The following CACNB4 variants were observed in gnomAD, a reference collection of about 807,000 sequenced individuals.
CACNB4 encodes the protein voltage-dependent L-type calcium channel subunit beta-4.
In CACNB4, 32 loss-of-function variants were observed where a neutral mutation model predicts 71.2. The ratio of observed to expected loss-of-function variants is 0.45; its 90% CI spans 0.34 to 0.60. CACNB4 has a LOEUF of 0.60. Ranked by LOEUF, CACNB4 falls within the 20% of genes least tolerant of loss-of-function variation. The pLI is 0.01. For missense variants in CACNB4, 464 were observed against 647.9 expected, an observed-to-expected ratio of 0.72 and a Z score of 3.08; for synonymous variants, 231 against 236.9, an observed-to-expected ratio of 0.97 and a Z score of 0.23.
intron 2 of CACNB4, among the ~76,000 whole-genome samples, chr2:152,016,427 G>T (rs1394761062): frequency 1.3e-5 from 2 of 152,168 alleles, no homozygotes; most frequent in Non-Finnish European, 2.9e-5. Flanking sequence ...CAAAATTACT[G>T]TATAATTTGA....
intron 2 of CACNB4, among the ~76,000 whole-genome samples, chr2:152,056,144 C>T (rs1441114471): frequency 6.6e-6 from 1 of 152,072 alleles, no homozygotes; most frequent in East Asian, 1.9e-4. Context: ...AGATGGATCA[C>T]GAAGTCAGGA....
At chr2:151,893,773 A>T (rs2099851349) in intron 2 of CACNB4, among the ~76,000 whole-genome samples, 1 of 152,188 alleles carries the variant, frequency 6.6e-6, no homozygotes, top group Non-Finnish European at 1.5e-5. Context: ...TGGGAAAAAA[A>T]TACAATAATC....
intron 2 of CACNB4, among the ~76,000 whole-genome samples, chr2:151,944,033 T>TTC (rs1478073143): frequency 1.3e-5 from 2 of 151,192 alleles, no homozygotes; most frequent in South Asian, 4.2e-4. Context: ...CTTTCTTTTT[T>TTC]TTTTTTTTTT....
At chr2:152,045,652 C>G (rs1560158582) in intron 2 of CACNB4, among the ~76,000 whole-genome samples, 4 of 151,814 alleles carry the variant, frequency 2.6e-5, no homozygotes, top group African/African-American at 9.7e-5. Flanking sequence ...AAAGGTGGAT[C>G]AAAGTACACC....
In CACNB4 at chr2:151,883,351, G is replaced by C. The variant is rs1244483192; in HGVS notation, c.167C>G (p.Thr56Arg). The C allele has an allele frequency of 1.2e-6, 2 of 1,613,834 alleles. No homozygotes were observed. Among genetic ancestry groups the C allele is most frequent in the Non-Finnish European group, 1.7e-6 (2 of 1,179,766 alleles). ...GACATCGGAGTCAGACGGCCTGCTT[G>C]TGTAGGAATCCGCTGAACCCTGGCA... ...ILRQGSADSY[T>R]SRPSDSDVSL... Residue 56 changes from threonine (T) to arginine (R), a missense_variant, in exon 3 of 14, where the codon ACA becomes AGA. This residue lies in a region of CACNB4 where 299 missense variants were observed against 471.7 expected (regional missense o/e 0.63). Transcript: ENST00000539935.
chr2:151,967,877 A>T (rs1237069313), intron 2 of CACNB4: 1 of 152,244 alleles, frequency 6.6e-6, no homozygotes, highest in Non-Finnish European at 1.5e-5. Flanking sequence ...AAGTACTGAT[A>T]ATGTGGCACC....
chr2:152,041,389 G>C (rs1175036131), intron 2 of CACNB4, among the ~76,000 whole-genome samples: 2 of 152,182 alleles, frequency 1.3e-5, no homozygotes, highest in East Asian at 3.8e-4. Context: ...CTGGAAGAAG[G>C]TAAAGGGCAA....
intron 2 of CACNB4, among the ~76,000 whole-genome samples, chr2:152,086,519 T>C (rs758724319): frequency 2.0e-5 from 3 of 152,176 alleles, no homozygotes; most frequent in Non-Finnish European, 4.4e-5. Flanking sequence ...CCCTTAAATA[T>C]TGTATTTAGC....
chr2:152,011,353 CT>C (rs970767128), intron 2 of CACNB4, among the ~76,000 whole-genome samples: 2 of 152,154 alleles, frequency 1.3e-5, no homozygotes, highest in African/African-American at 4.8e-5. Context: ...ACCTGGACAC[CT>C]GCATGTTTTC....
chr2:152,057,498 C>G (rs1463230580), intron 2 of CACNB4, among the ~76,000 whole-genome samples: 3 of 152,206 alleles, frequency 2.0e-5, no homozygotes, highest in Non-Finnish European at 4.4e-5. Flanking sequence ...AGACTTTATT[C>G]ATGGGCTAGG....
intron 2 of CACNB4, among the ~76,000 whole-genome samples, chr2:151,979,431 C>G (rs1199365926): frequency 6.6e-6 from 1 of 150,882 alleles, no homozygotes; most frequent in African/African-American, 2.4e-5. Context: ...TGACTTATTA[C>G]TCAGAAAGCT....
rs1308544247 is a variant in CACNB4, at chr2:151,848,408, A to G, written c.1116+5040T>C. 4.6e-5 allele frequency among the ~76,000 whole-genome samples: 7 copies of G among 152,364 alleles called. 1 individual carries two copies. The East Asian group carries it at 9.6e-4, about 21-fold the overall frequency. Reference sequence around the variant, plus strand: ...GTGAATAATGAATGCACCAATGAGGAGAGCACTTCAAATAGACAGGTAAAT... The same window carrying G: ...GTGAATAATGAATGCACCAATGAGGGGAGCACTTCAAATAGACAGGTAAAT... On this transcript the variant is annotated intron_variant, in intron 12 of 13. Transcript: ENST00000539935.
chr2:151,920,007 T>G (rs2099858511), intron 2 of CACNB4, among the ~76,000 whole-genome samples: 2 of 152,338 alleles, frequency 1.3e-5, no homozygotes, highest in African/African-American at 4.8e-5. Flanking sequence ...TGGCAATGGT[T>G]GTGATTTCCA....
chr2:152,010,424 G>A (rs902153210), intron 2 of CACNB4, among the ~76,000 whole-genome samples: 1 of 152,160 alleles, frequency 6.6e-6, no homozygotes, highest in Non-Finnish European at 1.5e-5. Context: ...TGGCACAGGG[G>A]AGATATGGCT....
intron 12 of CACNB4, chr2:151,850,141 C>CTTTCTTTTTTTTTT (rs1553744905): frequency 4.1e-5 from 4 of 98,164 alleles, no homozygotes; most frequent in African/African-American, 1.5e-4. Flanking sequence ...TTCTTTCTTT[C>CTTTCTTTTTTTTTT]TTTTTTTTTT....
intron 12 of CACNB4, among the ~76,000 whole-genome samples, chr2:151,845,463 T>C (rs1017831955): frequency 7.4e-5 from 11 of 147,652 alleles, no homozygotes; most frequent in Non-Finnish European, 1.5e-4. Flanking sequence ...ATCAGAGTGA[T>C]AGAAACTCAG....
chr2:151,834,105 GC>G lies in CACNB4; in HGVS notation c.*5013del, dbSNP rs577369873. ...TGGCCCCTACATAAATATAGACATAGCCATTTGTTGAGAAATTTAAGTGTTC... is the reference window on the plus strand; with the variant it reads ...TGGCCCCTACATAAATATAGACATAGCATTTGTTGAGAAATTTAAGTGTTC... On this transcript the variant is annotated 3_prime_UTR_variant, in exon 14 of 14. Transcript: ENST00000539935. The G allele has an allele frequency of 1.3e-3, 195 of 152,142 alleles. 1 individual carries two copies. Among genetic ancestry groups the G allele is most frequent in the African/African-American group, 4.5e-3 (189 of 41,550 alleles). The allele number at this position is 152,142 out of a possible 1,614,324, so 9.4% of individuals were successfully genotyped here. A position where few individuals can be genotyped will look rare whatever the true frequency, so the allele number is the denominator to read the frequency against.
At chr2:151,902,986 C>A (rs562650015) in intron 2 of CACNB4, among the ~76,000 whole-genome samples, 5 of 152,094 alleles carry the variant, frequency 3.3e-5, no homozygotes, top group Non-Finnish European at 7.4e-5. Context: ...AAGGATTGCT[C>A]GCCAATTTCT....
At chr2:151,929,424 A>T (rs1283727618) in intron 2 of CACNB4, among the ~76,000 whole-genome samples, 1 of 152,028 alleles carries the variant, frequency 6.6e-6, no homozygotes, top group African/African-American at 2.4e-5. Flanking sequence ...TTTTTAAAAA[A>T]CTCTGGTCAT....
Sources: allele counts gnomAD v4.1 joint callset (sites outside exome capture counted in the v4.1 genomes callset), GRCh38; gene constraint gnomAD v4.1.1; regional missense constraint gnomAD v4.1.1; transcripts MANE v1.5; gene names NCBI Gene and HGNC (gene_info 2026-07-23, HGNC 2026-07-21).